MAX: variants seen among roughly 807,000 people sequenced by gnomAD.
MAX encodes the protein MYC associated transcriptional regulator X.
Under a neutral mutation model 22.3 loss-of-function variants are expected in MAX, and 3 were observed. The observed-to-expected ratio is 0.13, with a 90% CI of 0.06 to 0.35. The LOEUF (loss-of-function observed/expected upper bound fraction) is 0.35. Ranked by LOEUF, MAX falls within the 10% of genes least tolerant of loss-of-function variation. The pLI, the probability that MAX is intolerant of heterozygous loss-of-function variation, is 1.00. For synonymous variants in MAX, 72 were observed against 77.7 expected, an observed-to-expected ratio of 0.93 and a Z score of 0.39; for missense variants, 119 against 209.4, an observed-to-expected ratio of 0.57 and a Z score of 2.66.
At position 65,012,736 on chromosome 14, in the gene MAX, A is replaced by G. The variant is rs146268077; in HGVS notation, c.172-6452T>C. Reference sequence around the variant, plus strand: ...ACCCTTTGCCCTATAAGCTGATCTAATTTCTCGCTCATTTATTGAGGACTA... The same window carrying G: ...ACCCTTTGCCCTATAAGCTGATCTAGTTTCTCGCTCATTTATTGAGGACTA... On this transcript the variant is annotated intron_variant, in intron 3 of 3. Transcript: ENST00000341653. This position sits in a 1 kb window ranked among gnomAD's most constrained non-coding sequence, Gnocchi z 5.0. Among the ~76,000 whole-genome samples, 16 of 152,326 alleles carry G rather than the reference A, an allele frequency of 1.1e-4. No individual in the cohort carries two copies. The highest frequency in any genetic ancestry group is 3.8e-4 in the African/African-American group (16 of 41,574).
In MAX at chr14:65,027,219, T is replaced by C. The variant is rs2061999522; in HGVS notation, c.172-20935A>G. Among the ~76,000 whole-genome samples the C allele has an allele frequency of 6.6e-6, 1 of 152,198 alleles. No homozygotes were observed. Reference sequence around the variant, plus strand: ...TCCCAGCCTTGTGTTCCCTGCTTCATGACCAACAAGCGCTTAAGTACGAAA... The same window carrying C: ...TCCCAGCCTTGTGTTCCCTGCTTCACGACCAACAAGCGCTTAAGTACGAAA... On this transcript the variant is annotated intron_variant, in intron 3 of 3. Coordinates refer to the MAX transcript ENST00000341653. The surrounding 1 kb of genome is among the most constrained non-coding windows in gnomAD (Gnocchi z 5.7).
intron 3 of MAX, among the ~76,000 whole-genome samples, chr14:65,042,281 T>G (rs540008350): frequency 6.6e-6 from 1 of 152,338 alleles, no homozygotes; most frequent in Non-Finnish European, 1.5e-5. Flanking sequence ...TAATATATAA[T>G]GAAATAATTA....
intron 3 of MAX, among the ~76,000 whole-genome samples, chr14:65,091,590 A>G (rs1268746680): frequency 6.6e-6 from 1 of 152,158 alleles, no homozygotes; most frequent in East Asian, 1.9e-4. Flanking sequence ...TGGCCCAGGA[A>G]TGCTTACAGG....
intron 2 of MAX, among the ~76,000 whole-genome samples, chr14:65,096,129 G>A (rs1232170336): frequency 6.6e-6 from 1 of 152,204 alleles, no homozygotes; most frequent in African/African-American, 2.4e-5. Context: ...AAAGGCAGCA[G>A]TCCACTGCCT....
chr14:65,052,553 G>A (rs1034570881), intron 3 of MAX, among the ~76,000 whole-genome samples: 2 of 152,140 alleles, frequency 1.3e-5, no homozygotes, highest in South Asian at 2.1e-4. Context: ...TAACTGTGTG[G>A]CCCACAGAAT....
chr14:65,040,497 A>G lies in MAX; in HGVS notation c.172-34213T>C, dbSNP rs185844902. On this transcript the variant is annotated intron_variant, in intron 3 of 3. Coordinates refer to the MAX transcript ENST00000341653. ...ACTCTTTCACCCGGGCTGGAGCACA[A>G]TGGTGTGATCATAGCTCACTGCAGC... 4.6e-5 allele frequency among the ~76,000 whole-genome samples: 7 copies of G among 151,754 alleles called. No homozygotes were observed. In the East Asian group the frequency reaches 7.8e-4, roughly 17 times the overall value.
In MAX at chr14:65,007,565, A is replaced by T. The variant is rs1429880229; in HGVS notation, c.172-1281T>A. ...TGAATGTCAGTACATTCTATACTTA[A>T]TCCCCTTCCCAGAAATGATTTTCTT... On this transcript the variant is annotated intron_variant, in intron 3 of 3. Transcript: ENST00000341653. The surrounding 1 kb of genome is among the most constrained non-coding windows in gnomAD (Gnocchi z 4.9). 1.3e-5 allele frequency among the ~76,000 whole-genome samples: 2 copies of T among 152,190 alleles called. No homozygotes were observed. The highest frequency in any genetic ancestry group is 6.5e-5 in the Admixed American group (1 of 15,280).
At position 65,032,452 on chromosome 14, in the gene MAX, C is replaced by G; in HGVS notation, c.172-26168G>C. 1 of 609,016 alleles carries G rather than the reference C, an allele frequency of 1.6e-6. No individual in the cohort carries two copies. The highest frequency in any genetic ancestry group is 2.5e-5 in the South Asian group (1 of 39,492). 37.7% of individuals were successfully genotyped at this position (609,016 alleles called of 1,614,324 possible). ...TCTATCCAAATAGAATGTCACACCT[C>G]TCAGTTGGAGACCCAGGAGGACTGA... is the stretch of plus-strand genomic sequence containing the variant. On this transcript the variant is annotated intron_variant, in intron 3 of 3. Coordinates refer to the MAX transcript ENST00000341653. The surrounding 1 kb of genome is among the most constrained non-coding windows in gnomAD (Gnocchi z 5.0).
rs2062101510 is a variant in MAX at position 65,032,218 on chromosome 14, G to A, written c.172-25934C>T. The A allele has an allele frequency of 6.2e-6, 1 of 161,830 alleles. No homozygotes were observed. Among genetic ancestry groups the A allele is most frequent in the Non-Finnish European group, 1.3e-5 (1 of 74,514 alleles). The allele number at this position is 161,830 out of a possible 1,614,324, so 10.0% of individuals were successfully genotyped here. A position where few individuals can be genotyped will look rare whatever the true frequency, so the allele number is the denominator to read the frequency against. ...AAACAGAAATCCTGGCTCTGAAACA[G>A]TACTAACATCCAAATGAATGAGCAT... On this transcript the variant is annotated intron_variant, in intron 3 of 3. Transcript: ENST00000341653. This position sits in a 1 kb window ranked among gnomAD's most constrained non-coding sequence, Gnocchi z 5.0.
intron 3 of MAX, among the ~76,000 whole-genome samples, chr14:65,050,316 C>T (rs936585996): frequency 1.3e-5 from 2 of 152,324 alleles, no homozygotes; most frequent in African/African-American, 4.8e-5. Flanking sequence ...CTAAAGCTGG[C>T]CGGGCGTGGT....
At position 65,076,162 on chromosome 14, in the gene MAX, T is replaced by A. The variant is rs2139736119; in HGVS notation, c.*314A>T. 1 of 1,362,164 alleles carries A rather than the reference T, an allele frequency of 7.3e-7. No individual in the cohort carries two copies. The highest frequency in any genetic ancestry group is 1.6e-5 in the South Asian group (1 of 60,990). The allele number at this position is 1,362,164 out of a possible 1,614,324, so 84.4% of individuals were successfully genotyped here. ...CTGGTAGGGTGGGCAGGACACTATG[T>A]GCTCAGAGGTCCGGCCGGCCGTCTG... On this transcript the variant is annotated 3_prime_UTR_variant, in exon 5 of 5. Transcript: ENST00000358664. This position sits in a 1 kb window ranked among gnomAD's most constrained non-coding sequence, Gnocchi z 6.6.
rs1040543029 is a variant in MAX, at chr14:65,027,886, C to T, written c.172-21602G>A. ...CATCATGGGGAAGCTGCTGCTTTGT[C>T]CCAGAATGACACATGGGATGACATG... On this transcript the variant is annotated intron_variant, in intron 3 of 3. Coordinates refer to the MAX transcript ENST00000341653. The surrounding 1 kb of genome is among the most constrained non-coding windows in gnomAD (Gnocchi z 5.7). The T allele has an allele frequency of 2.1e-6, 3 of 1,431,524 alleles. No individual in the cohort carries two copies. The highest frequency in any genetic ancestry group is 2.9e-6 in the Non-Finnish European group (3 of 1,037,500). 88.7% of individuals were successfully genotyped at this position (1,431,524 alleles called of 1,614,324 possible). A position where few individuals can be genotyped will look rare whatever the true frequency, so the allele number is the denominator to read the frequency against.
intron 3 of MAX, chr14:65,021,904 C>T (rs2061893848): frequency 2.9e-5 from 13 of 455,770 alleles, no homozygotes; most frequent in Admixed American, 7.1e-5. Context: ...CGTCGGCCTC[C>T]CAAAGTGCTA....
intron 2 of MAX, 23 bp downstream of exon 2, chr14:65,101,523 G>A: frequency 1.1e-5 from 17 of 1,601,848 alleles, no homozygotes; most frequent in Non-Finnish European, 1.5e-5. Context: ...AAATAAAAAT[G>A]AAATGGAGAG....
Position 65,098,319 on chromosome 14 carries a change from G to A in MAX, c.63+3227C>T, listed in dbSNP as rs1045309428. Among the ~76,000 whole-genome samples, 5 of 152,154 alleles carry A rather than the reference G, an allele frequency of 3.3e-5. 1 individual carries two copies. In the South Asian group the frequency reaches 8.3e-4, roughly 25 times the overall value. Reference sequence around the variant, plus strand: ...AGTTTCCTGAGTGAATTCCAATCTCGGAGGCTACCAAGCTCGTTCTCTTCT... The same window carrying A: ...AGTTTCCTGAGTGAATTCCAATCTCAGAGGCTACCAAGCTCGTTCTCTTCT... On this transcript the variant is annotated intron_variant, in intron 2 of 4. Coordinates refer to ENST00000358664, the MANE Select transcript of MAX (RefSeq NM_002382.5).
intron 3 of MAX, among the ~76,000 whole-genome samples, chr14:65,013,790 C>T (rs1344447562): frequency 6.6e-6 from 1 of 152,214 alleles, no homozygotes; most frequent in Non-Finnish European, 1.5e-5. Flanking sequence ...TCAAGTGATC[C>T]ACCTGCCTCA....
Position 65,022,316 on chromosome 14 carries a change from A to C in MAX, c.172-16032T>G, listed in dbSNP as rs542497679. On this transcript the variant is annotated intron_variant, in intron 3 of 3. Transcript: ENST00000341653. ...TTTTTTTAAACCTGCCCAATTGTGC[A>C]GAACATAGCTATAATTTTTATAACT... Among the ~76,000 whole-genome samples, 4 of 151,476 alleles carry C rather than the reference A, an allele frequency of 2.6e-5. No homozygotes were observed. In the East Asian group the frequency reaches 7.7e-4, roughly 29 times the overall value.
Position 65,012,075 on chromosome 14 carries a change from C to T in MAX, c.172-5791G>A, listed in dbSNP as rs2061692352. On this transcript the variant is annotated intron_variant, in intron 3 of 3. Transcript: ENST00000341653. The surrounding 1 kb of genome is among the most constrained non-coding windows in gnomAD (Gnocchi z 5.0). ...GCCCAAAGTCACTGCCTTTAGGAGA[C>T]AATCGCACTCTAAATGTCAGCTGGC... is the stretch of plus-strand genomic sequence containing the variant. The T allele has an allele frequency of 1.3e-5, 6 of 464,278 alleles. No individual in the cohort carries two copies. In the South Asian group the frequency reaches 1.4e-4, roughly 11 times the overall value. The allele number at this position is 464,278 out of a possible 1,614,324, so 28.8% of individuals were successfully genotyped here. A position where few individuals can be genotyped will look rare whatever the true frequency, so the allele number is the denominator to read the frequency against.
rs890755995 is a variant in MAX at position 65,029,137 on chromosome 14, G to C, written c.172-22853C>G. On this transcript the variant is annotated intron_variant, in intron 3 of 3. Coordinates refer to the MAX transcript ENST00000341653. The surrounding 1 kb of genome is among the most constrained non-coding windows in gnomAD (Gnocchi z 4.7). ...TATTCTTCCCTGACCTTTGCTCTTT[G>C]GGTGATGCTCTGCCATTCGTGCCCG... Among the ~76,000 whole-genome samples the C allele has an allele frequency of 2.1e-4, 32 of 152,124 alleles. No individual in the cohort carries two copies. Among genetic ancestry groups the C allele is most frequent in the African/African-American group, 7.5e-4 (31 of 41,410 alleles).
Sources: gnomAD v4.1 joint callset for allele counts (sites outside exome capture counted in the v4.1 genomes callset) on GRCh38, gnomAD v4.1.1 for gene constraint, Gnocchi (gnomAD v3.1) non-coding constraint, MANE v1.5 for transcripts, NCBI Gene and HGNC (gene_info 2026-07-23, HGNC 2026-07-21) for gene names.